Variants in FNIP1 observed in about 807,000 individuals in gnomAD.
FNIP1 encodes the protein folliculin interacting protein 1.
In FNIP1, 40 loss-of-function variants were observed where a neutral mutation model predicts 124.5. The observed-to-expected ratio is 0.32, with a 90% CI of 0.25 to 0.42. The LOEUF (loss-of-function observed/expected upper bound fraction) is 0.42. Among genes scored for constraint, FNIP1 ranks in the 10% least tolerant of loss-of-function variants. FNIP1 has a pLI of 1.00. For missense variants in FNIP1, 1,176 were observed against 1,403.7 expected, an observed-to-expected ratio of 0.84 and a Z score of 2.59; for synonymous variants, 472 against 470.6, an observed-to-expected ratio of 1.00 and a Z score of -0.04.
At chr5:131,655,408 T>C (rs1437045510) in intron 15 of FNIP1, among the ~76,000 whole-genome samples, 1 of 152,070 alleles carries the variant, frequency 6.6e-6, no homozygotes, top group African/African-American at 2.4e-5. Context: ...AAAATACAAA[T>C]CTACTATAAG....
At chr5:131,776,379 GA>G (rs1771805345) in intron 1 of FNIP1, among the ~76,000 whole-genome samples, 4 of 152,300 alleles carry the variant, frequency 2.6e-5, no homozygotes, top group African/African-American at 9.6e-5. Flanking sequence ...AAATGCTGAA[GA>G]GAAACTATCA....
chr5:131,796,291 C>G, intron 1 of FNIP1: 1 of 153,726 alleles, frequency 6.5e-6, no homozygotes, highest in Non-Finnish European at 1.5e-5. Flanking sequence ...TTTTAGCGTC[C>G]AAGAAACCTG....
In FNIP1 at chr5:131,797,000, T is replaced by G. The variant is rs1580848892; in HGVS notation, c.-79A>C. 1.1e-5 allele frequency: 15 copies of G among 1,304,808 alleles called. No individual in the cohort carries two copies. The highest frequency in any genetic ancestry group is 2.6e-5 in the East Asian group (1 of 38,220). The allele number at this position is 1,304,808 out of a possible 1,614,324, so 80.8% of individuals were successfully genotyped here. The stretch of plus-strand genomic sequence containing the variant: ...TCCTACAGCCGCCCCGCCACCCCCA[T>G]GGGCGCCTCAGTCATATGACAGAAA... On this transcript the variant is annotated 5_prime_UTR_variant, in exon 1 of 18. An upstream start codon of the reference 5' UTR is lost. Transcript: ENST00000510461.
At chr5:131,730,882 T>C (rs75131543) in intron 3 of FNIP1, 22 bp downstream of exon 3, 18,010 of 1,567,066 alleles carry the variant, frequency 0.011, 145 homozygotes, top group Non-Finnish European at 0.013. Context: ...AATGAATAAA[T>C]AAATGACATC....
intron 2 of FNIP1, among the ~76,000 whole-genome samples, chr5:131,738,153 C>T (rs1177130149): frequency 6.6e-6 from 1 of 152,062 alleles, no homozygotes; most frequent in African/African-American, 2.4e-5. Context: ...CTCACCTCAC[C>T]ATGCCCAGCT....
At position 131,672,507 on chromosome 5, in the gene FNIP1, T is replaced by G. The variant is rs776230063; in HGVS notation, c.1937A>C (p.Glu646Ala). ...GTCAGAAGGAGAAATCATCTGGCAC[T>G]CATCTGAAATTCCTAGCAGCTCCTT... ...SSKELLGISD[E>A]CQMISPSDCQ... Residue 646 changes from glutamate to alanine, a missense_variant, in exon 14 of 18, where the codon GAG becomes GCG. Glu to Ala is a moderately radical substitution (Grantham distance 107). Coordinates refer to ENST00000510461, the MANE Select transcript of FNIP1 (RefSeq NM_133372.3). The G allele has an allele frequency of 1.9e-6, 3 of 1,613,700 alleles. No homozygotes were observed. Among genetic ancestry groups the G allele is most frequent in the Non-Finnish European group, 1.7e-6 (2 of 1,180,034 alleles).
intron 11 of FNIP1, among the ~76,000 whole-genome samples, chr5:131,688,298 A>G (rs1768352966): frequency 6.6e-6 from 1 of 151,644 alleles, no homozygotes; most frequent in South Asian, 2.1e-4. Context: ...ATAAAAAAAA[A>G]AAAAAGGAAA....
At chr5:131,731,316 G>A (rs555679104) in intron 2 of FNIP1, among the ~76,000 whole-genome samples, 2 of 152,152 alleles carry the variant, frequency 1.3e-5, no homozygotes, top group South Asian at 2.1e-4. Flanking sequence ...CATTAATACC[G>A]ATGTAATAAT....
chr5:131,752,807 C>T (rs139818502), intron 1 of FNIP1, among the ~76,000 whole-genome samples: 1 of 152,182 alleles, frequency 6.6e-6, no homozygotes, highest in Non-Finnish European at 1.5e-5. Context: ...GTGGCTCACG[C>T]CTGTAATCCC....
chr5:131,749,073 C>G (rs1770781661), intron 1 of FNIP1, among the ~76,000 whole-genome samples: 1 of 152,066 alleles, frequency 6.6e-6, no homozygotes, highest in Non-Finnish European at 1.5e-5. Flanking sequence ...TATGTTTGTA[C>G]AGCTGTACAA....
At chr5:131,668,241 T>C (rs1447872240) in intron 15 of FNIP1, among the ~76,000 whole-genome samples, 1 of 152,236 alleles carries the variant, frequency 6.6e-6, no homozygotes, top group East Asian at 1.9e-4. Flanking sequence ...GGAATTAAAT[T>C]AGAAACCAAC....
Position 131,698,944 on chromosome 5 carries a change from C to G in FNIP1, c.1175G>C (p.Arg392Pro), listed in dbSNP as rs748684299. The change falls in exon 11 of 18, where the codon CGA becomes CCA. Residue 392 changes from arginine to proline, a missense_variant. This residue lies in a region of FNIP1 where 1,109 missense variants were observed against 1,288.5 expected (regional missense o/e 0.86). Transcript: ENST00000510461. ...GAATTCATTTAGGGCATCAACTATT[C>G]GATTATATGCCAAACTTCTCTGACT... ...DASQRSLAYN[R>P]IVDALNEFRT... 2.1e-5 allele frequency: 34 copies of G among 1,611,074 alleles called. No individual in the cohort carries two copies. In the South Asian group the frequency reaches 3.6e-4, roughly 17 times the overall value.
chr5:131,679,703 A>G (rs1173087505), intron 11 of FNIP1, among the ~76,000 whole-genome samples: 1 of 152,212 alleles, frequency 6.6e-6, no homozygotes, highest in Non-Finnish European at 1.5e-5. Flanking sequence ...GCTACATTTT[A>G]TGACTCTCTC....
chr5:131,755,417 T>C (rs1411675243), intron 1 of FNIP1, among the ~76,000 whole-genome samples: 1 of 132,666 alleles, frequency 7.5e-6, no homozygotes, highest in Non-Finnish European at 1.5e-5. Flanking sequence ...CAAGACTCAA[T>C]CTTAAAAAAA....
chr5:131,795,816 A>AT (rs1772569147), intron 1 of FNIP1: 1 of 151,948 alleles, frequency 6.6e-6, no homozygotes, highest in Non-Finnish European at 1.5e-5. Flanking sequence ...TTTTTATTTT[A>AT]TTTTTTTGTT....
At chr5:131,724,396 G>A (rs1769783457) in intron 3 of FNIP1, among the ~76,000 whole-genome samples, 1 of 152,062 alleles carries the variant, frequency 6.6e-6, no homozygotes, top group African/African-American at 2.4e-5. Context: ...TTTAATGACT[G>A]CCATTCTAAC....
chr5:131,704,469 G>C (rs746176936), intron 9 of FNIP1, among the ~76,000 whole-genome samples: 1 of 152,066 alleles, frequency 6.6e-6, no homozygotes, highest in Non-Finnish European at 1.5e-5. Flanking sequence ...TTTTACTACA[G>C]AGTCAGATTG....
intron 11 of FNIP1, among the ~76,000 whole-genome samples, chr5:131,694,079 G>T (rs532031738): frequency 6.6e-6 from 1 of 152,298 alleles, no homozygotes; most frequent in African/African-American, 2.4e-5. Flanking sequence ...ATCAAATGCT[G>T]ACAAGGATGT....
At chr5:131,676,363 G>A (rs1767912738) in intron 13 of FNIP1, among the ~76,000 whole-genome samples, 1 of 151,934 alleles carries the variant, frequency 6.6e-6, no homozygotes, top group South Asian at 2.1e-4. Flanking sequence ...TGGCCAGGCT[G>A]GTTTCGAACT....
Sources: gnomAD v4.1 joint callset for allele counts (sites outside exome capture counted in the v4.1 genomes callset) on GRCh38, gnomAD v4.1.1 for gene constraint, gnomAD v4.1.1 regional missense constraint, MANE v1.5 for transcripts, NCBI Gene and HGNC (gene_info 2026-07-23, HGNC 2026-07-21) for gene names.